BBS9: variants seen among roughly 807,000 people sequenced by gnomAD.
BBS9 encodes the protein protein PTHB1.
BBS9 carries 89 observed loss-of-function variants against 117.7 expected under a neutral mutation model. That is an observed-to-expected ratio of 0.76 (90% CI 0.64 to 0.90). BBS9 has a LOEUF of 0.90. BBS9 is among the 40% of genes least tolerant of loss of function. The pLI is 0.00. For missense variants in BBS9, 982 were observed against 1,042.2 expected (o/e 0.94, Z 0.80); for synonymous variants, 379 against 370.9 (o/e 1.02, Z -0.25).
In BBS9 at chr7:33,556,121, C is replaced by T. The variant is rs560409041; in HGVS notation, c.2521+21945C>T. On this transcript the variant is annotated intron_variant, in intron 21 of 22. Transcript: ENST00000242067. ...CTAAGTGATTTCCTTGAGACACAGC[C>T]TCATTTCTTATGGTTAATTCATCAT... Among the ~76,000 whole-genome samples the T allele has an allele frequency of 5.9e-5, 9 of 152,242 alleles. No homozygotes were observed. The South Asian group carries it at 1.9e-3, about 32-fold the overall frequency.
At chr7:33,507,705 A>G (rs1846346704) in intron 20 of BBS9, among the ~76,000 whole-genome samples, 1 of 152,242 alleles carries the variant, frequency 6.6e-6, no homozygotes, top group Admixed American at 6.5e-5. Context: ...GTGAAAACTA[A>G]CAAATGGTGA....
chr7:33,347,471 G>A (rs1337672315), intron 12 of BBS9, among the ~76,000 whole-genome samples: 1 of 151,892 alleles, frequency 6.6e-6, no homozygotes, highest in African/African-American at 2.4e-5. Flanking sequence ...CATTGAGGAA[G>A]TTTAGTTTGT....
chr7:33,604,381 G>A (rs972042279), intron 21 of BBS9, among the ~76,000 whole-genome samples: 1 of 152,124 alleles, frequency 6.6e-6, no homozygotes, highest in African/African-American at 2.4e-5. Context: ...TTGGGATTCA[G>A]GAATAGAATC....
chr7:33,538,562 TA>T (rs10713397), intron 21 of BBS9, among the ~76,000 whole-genome samples: 29,558 of 152,104 alleles, frequency 0.19, 3,249 homozygotes, highest in East Asian at 0.34. Flanking sequence ...CAACTGAATT[TA>T]AATTTAATTC....
At chr7:33,282,767 CACA>C (rs1247160447) in intron 9 of BBS9, among the ~76,000 whole-genome samples, 2 of 152,108 alleles carry the variant, frequency 1.3e-5, no homozygotes, top group Non-Finnish European at 2.9e-5. Flanking sequence ...AATGTTTATT[CACA>C]ACATTATATT....
chr7:33,261,241 C>G (rs1330437916), intron 6 of BBS9, among the ~76,000 whole-genome samples: 1 of 152,092 alleles, frequency 6.6e-6, no homozygotes, highest in Non-Finnish European at 1.5e-5. Context: ...TCAGTGCTTC[C>G]CTTAGGTATT....
intron 9 of BBS9, among the ~76,000 whole-genome samples, chr7:33,281,469 G>T (rs1049284342): frequency 1.4e-5 from 2 of 144,620 alleles, no homozygotes; most frequent in African/African-American, 2.6e-5. Flanking sequence ...GAATGCCTCA[G>T]TTCAAGCAAT....
At chr7:33,146,689 G>C (rs1584140302) in intron 2 of BBS9, among the ~76,000 whole-genome samples, 1 of 124,292 alleles carries the variant, frequency 8.0e-6, no homozygotes, top group Non-Finnish European at 1.6e-5. Context: ...ACAGAGCAAG[G>C]CTCCATCTCA....
chr7:33,272,923 TA>T, intron 7 of BBS9, 88 bp from the exon 8 acceptor site: 1 of 1,296,592 alleles, frequency 7.7e-7, no homozygotes, highest in Non-Finnish European at 1.1e-6. Flanking sequence ...TGCTTTGTTG[TA>T]AAGCAATTTC....
intron 20 of BBS9, among the ~76,000 whole-genome samples, chr7:33,513,418 A>ATTC (rs67409513): frequency 0.02 from 3,047 of 152,308 alleles, 81 homozygotes; most frequent in African/African-American, 0.056. Context: ...ATAAGGAAAT[A>ATTC]TTCTACATTC....
rs112832723 is a variant in BBS9 at position 33,434,324 on chromosome 7, A to AT, written c.2115+46188dup. ...TTTTAGCTTATGTTGCTGTAAAGTCATTTTTTTTATTTAATGTGTATCTGT... is the reference window on the plus strand; with the variant it reads ...TTTTAGCTTATGTTGCTGTAAAGTCATTTTTTTTTATTTAATGTGTATCTGT... On this transcript the variant is annotated intron_variant, in intron 19 of 22. Coordinates refer to ENST00000242067, the MANE Select transcript of BBS9 (RefSeq NM_198428.3). Among the ~76,000 whole-genome samples, 78 of 151,468 alleles carry AT rather than the reference A, an allele frequency of 5.1e-4. 1 individual carries two copies. The highest frequency in any genetic ancestry group is 1.4e-3 in the African/African-American group (60 of 41,382).
intron 21 of BBS9, among the ~76,000 whole-genome samples, chr7:33,555,971 T>C (rs2129101984): frequency 6.6e-6 from 1 of 152,304 alleles, no homozygotes. Flanking sequence ...GTACGTGTGT[T>C]TTAAGTGAGA....
At position 33,570,908 on chromosome 7, in the gene BBS9, A is replaced by G. The variant is rs546480607; in HGVS notation, c.2522-33957A>G. ...CCAGTGTCATGAAGACTAAGGAATT[A>G]TCACAGACTGGAGGAAACTAAGGAG... On this transcript the variant is annotated intron_variant, in intron 21 of 22. Coordinates refer to ENST00000242067, the MANE Select transcript of BBS9 (RefSeq NM_198428.3). Among the ~76,000 whole-genome samples, 3 of 152,342 alleles carry G rather than the reference A, an allele frequency of 2.0e-5. No homozygotes were observed. In the South Asian group the frequency reaches 6.2e-4, roughly 32 times the overall value.
chr7:33,590,099 C>G (rs1219972600), intron 21 of BBS9, among the ~76,000 whole-genome samples: 1 of 152,054 alleles, frequency 6.6e-6, no homozygotes, highest in African/African-American at 2.4e-5. Flanking sequence ...GCTCACAGAT[C>G]AAGTCAGCTG....
intron 5 of BBS9, among the ~76,000 whole-genome samples, chr7:33,181,151 C>A (rs1312852085): frequency 6.6e-6 from 1 of 152,112 alleles, no homozygotes; most frequent in African/African-American, 2.4e-5. Flanking sequence ...TACCAGCATG[C>A]CGATGCCAAG....
At chr7:33,623,985 TA>T (rs57482020) in intron 21 of BBS9, among the ~76,000 whole-genome samples, 7,368 of 82,922 alleles carry the variant, frequency 0.089, 417 homozygotes, top group African/African-American at 0.16. Context: ...ATTCTATTAT[TA>T]AAAAAAAAAA....
intron 5 of BBS9, among the ~76,000 whole-genome samples, chr7:33,193,525 T>C (rs1185838936): frequency 6.6e-6 from 1 of 151,280 alleles, no homozygotes; most frequent in Non-Finnish European, 1.5e-5. Context: ...TGTTTGGGCC[T>C]GTTTGCTTTT....
intron 7 of BBS9, among the ~76,000 whole-genome samples, chr7:33,268,151 A>G (rs1583985976): frequency 6.6e-6 from 1 of 152,104 alleles, no homozygotes; most frequent in Admixed American, 6.5e-5. Flanking sequence ...AATATCTTAT[A>G]CCCTGTGTGA....
intron 9 of BBS9, among the ~76,000 whole-genome samples, chr7:33,292,758 A>G (rs139709775): frequency 2.3e-3 from 346 of 152,290 alleles, no homozygotes; most frequent in African/African-American, 8.2e-3. Flanking sequence ...TTGCTCTCCC[A>G]GCACTTTGGG....
Sources: gnomAD v4.1 joint callset for allele counts (sites outside exome capture counted in the v4.1 genomes callset) on GRCh38, gnomAD v4.1.1 for gene constraint, MANE v1.5 for transcripts, NCBI Gene and HGNC (gene_info 2026-07-23, HGNC 2026-07-21) for gene names.